Variants in SERPINB9 observed in about 807,000 individuals in gnomAD.
SERPINB9 encodes the protein serpin family B member 9.
Under a neutral mutation model 27.2 loss-of-function variants are expected in SERPINB9, and 20 were observed. That is an observed-to-expected ratio of 0.74 (90% CI 0.52 to 1.07). The LOEUF is 1.07. Ranked by LOEUF, SERPINB9 falls within the 50% of genes least tolerant of loss-of-function variation. The pLI is 0.00. For missense variants in SERPINB9, 476 were observed against 460.1 expected (o/e 1.03, Z -0.32); for synonymous variants, 189 against 180.0 (o/e 1.05, Z -0.40).
chr6:2,890,421 A>T lies in SERPINB9; in HGVS notation c.873T>A (p.Asp291Glu). The change falls in exon 7 of 7, where the codon GAT becomes GAA. Residue 291 changes from aspartate (D) to glutamate (E), a missense_variant. Transcript: ENST00000380698. The surrounding 1 kb of genome is among the most constrained non-coding windows in gnomAD (Gnocchi z 6.2). ...ESVLRHLGIV[D>E]AFQQGKADLS... ...AGTCAGCCTTGCCCTGTTGGAAGGC[A>T]TCAACAATTCCCAAATGCCGAAGCA... is the stretch of plus-strand genomic sequence containing the variant. The T allele has an allele frequency of 6.2e-7, 1 of 1,614,224 alleles. No homozygotes were observed. The highest frequency in any genetic ancestry group is 8.5e-7 in the Non-Finnish European group (1 of 1,180,044).
rs1481121160 is a variant in SERPINB9, at chr6:2,894,388, T to C, written c.425-835A>G. 6.6e-6 allele frequency among the ~76,000 whole-genome samples: 1 copy of C among 152,226 alleles called. No individual in the cohort carries two copies. The highest frequency in any genetic ancestry group is 1.5e-5 in the Non-Finnish European group (1 of 68,040). ...AGGCCTAGACTGGAACACGTCACTT[T>C]CTGAAATGTAGATGAATAAGGTTCA... On this transcript the variant is annotated intron_variant, in intron 4 of 6. Transcript: ENST00000380698. This position sits in a 1 kb window ranked among gnomAD's most constrained non-coding sequence, Gnocchi z 4.7.
At position 2,893,518 on chromosome 6, in the gene SERPINB9, C is replaced by G; in HGVS notation, c.460G>C (p.Asp154His). ...IEELLPGSSI[D>H]AETRLVLVNA... ...ACAAGAACCAGCCTGGTTTCTGCAT[C>G]AATTGAGCTACCCGGCAACAACTCT... The change falls in exon 5 of 7, where the codon GAT becomes CAT. Residue 154 changes from aspartate to histidine, a missense_variant. By Grantham distance (81) the Asp-to-His change is moderately conservative (BLOSUM62 -1). Coordinates refer to ENST00000380698, the MANE Select transcript of SERPINB9 (RefSeq NM_004155.6). 6.2e-7 allele frequency: 1 copy of G among 1,612,652 alleles called. No homozygotes were observed. The highest frequency in any genetic ancestry group is 8.5e-7 in the Non-Finnish European group (1 of 1,179,226).
At chr6:2,900,103 C>T (rs1042001199) in intron 2 of SERPINB9, 23 of 371,988 alleles carry the variant, frequency 6.2e-5, no homozygotes, top group African/African-American at 4.8e-4. Context: ...AAGTCTCTTG[C>T]TCCAAAAAAG....
In SERPINB9 at chr6:2,896,090, T is replaced by C. The variant is rs1228694042; in HGVS notation, c.269A>G (p.Asn90Ser). 1.9e-6 allele frequency: 3 copies of C among 1,614,022 alleles called. No homozygotes were observed. Among genetic ancestry groups the C allele is most frequent in the Admixed American group, 1.7e-5 (1 of 59,940 alleles). ...AGTQYLLRTA[N>S]RLFGEKTCQF... ...ACAAGTTTTCTCTCCAAAGAGCCTG[T>C]TGGCCGTTCTCAGCAGGTACTGTGT... Residue 90 changes from asparagine to serine, a missense_variant, in exon 3 of 7, where the codon AAC (asparagine) becomes AGC (serine). By Grantham distance (46) the Asn-to-Ser change is conservative. Coordinates refer to ENST00000380698, the MANE Select transcript of SERPINB9 (RefSeq NM_004155.6).
rs199851081 is a variant in SERPINB9 at position 2,893,413 on chromosome 6, G to A, written c.565C>T (p.Gln189Ter). 552 of 1,600,390 alleles carry A rather than the reference G, an allele frequency of 3.4e-4. No homozygotes were observed. The highest frequency in any genetic ancestry group is 4.5e-4 in the Non-Finnish European group (531 of 1,172,792). ...GGATTTTAAAAAGCTTCCCCCACCTGGTTTATTTTAAAGGGCATTTCCCTT... is the reference window on the plus strand; with the variant it reads ...GGATTTTAAAAAGCTTCCCCCACCTAGTTTATTTTAAAGGGCATTTCCCTT... ...YTREMPFKIN[Q>*]EEQRPVQMMY... Residue 189 changes from glutamine to a stop codon, truncating the protein, a stop_gained and splice_region_variant, in exon 5 of 7, where the codon CAG becomes TAG. Coordinates refer to ENST00000380698, the MANE Select transcript of SERPINB9 (RefSeq NM_004155.6). LOFTEE classifies it high-confidence loss of function.
rs1217681652 is a variant in SERPINB9, at chr6:2,889,018, A to T, written c.*1145T>A. The T allele has an allele frequency of 6.6e-6, 1 of 152,224 alleles. No individual in the cohort carries two copies. Among genetic ancestry groups the T allele is most frequent in the East Asian group, 1.9e-4 (1 of 5,204 alleles). 9.4% of individuals were successfully genotyped at this position (152,224 alleles called of 1,614,324 possible). ...TGGAGGACTATCTAAGGATACAGAG[A>T]TTAATAAAAATAAAAGAACTACCAC... On this transcript the variant is annotated 3_prime_UTR_variant, in exon 7 of 7. Transcript: ENST00000380698.
At chr6:2,892,485 G>A (rs181274803) in intron 5 of SERPINB9, among the ~76,000 whole-genome samples, 2 of 152,238 alleles carry the variant, frequency 1.3e-5, no homozygotes, top group African/African-American at 4.8e-5. Flanking sequence ...ACCTACATAT[G>A]TAGTAATGTA....
In SERPINB9 at chr6:2,903,249, C is replaced by T. The variant is rs1256227657; in HGVS notation, c.-59G>A. The T allele has an allele frequency of 6.6e-6, 1 of 152,326 alleles. No homozygotes were observed. Among genetic ancestry groups the T allele is most frequent in the Non-Finnish European group, 1.5e-5 (1 of 68,186 alleles). The allele number at this position is 152,326 out of a possible 1,614,324, so 9.4% of individuals were successfully genotyped here. A position where few individuals can be genotyped will look rare whatever the true frequency, so the allele number is the denominator to read the frequency against. On this transcript the variant is annotated 5_prime_UTR_variant, in exon 1 of 7. Transcript: ENST00000380698. The surrounding 1 kb of genome is among the most constrained non-coding windows in gnomAD (Gnocchi z 5.2). ...GCCGTCTCCGTGCCGCGCTCCGAGC[C>T]TGGACGCCGACCCCCGAGGCGCAGG... is the stretch of plus-strand genomic sequence containing the variant.
chr6:2,895,710 GAATTTTACCTTTC>G (rs1413338479), intron 3 of SERPINB9, among the ~76,000 whole-genome samples: 6 of 151,860 alleles, frequency 4.0e-5, no homozygotes, highest in South Asian at 2.1e-4. Context: ...ATGAACTTGA[GAATTTTACCTTTC>G]AATTTTACCT....
intron 5 of SERPINB9, 50 bp downstream of exon 5, chr6:2,893,361 C>G: frequency 1.3e-6 from 2 of 1,558,346 alleles, no homozygotes; most frequent in Non-Finnish European, 1.7e-6. Context: ...TTAAATCTTT[C>G]CATTCAACTT....
chr6:2,902,869 C>A (rs1768249102), intron 1 of SERPINB9, among the ~76,000 whole-genome samples: 1 of 152,208 alleles, frequency 6.6e-6, no homozygotes, highest in Non-Finnish European at 1.5e-5. Flanking sequence ...CGTCATCCTG[C>A]GGATCCCAGA....
intron 1 of SERPINB9, 111 bp from the exon 2 acceptor site, chr6:2,900,732 C>T (rs910878816): frequency 1.5e-5 from 15 of 982,586 alleles, no homozygotes; most frequent in Admixed American, 1.2e-4. Context: ...TCTTAAAGTT[C>T]GTAAGTATTT....
At chr6:2,900,658 A>T in intron 1 of SERPINB9, 37 bp from the exon 2 acceptor site, 1 of 1,582,858 alleles carries the variant, frequency 6.3e-7, no homozygotes, top group Admixed American at 1.7e-5. Context: ...CAGTTTCCAC[A>T]CTCCCTGAAT....
Position 2,895,391 on chromosome 6 carries a change from C to T in SERPINB9, c.424G>A (p.Gly142Ser). Residue 142 changes from glycine (G) to serine (S), a missense_variant and splice_region_variant, in exon 4 of 7, where the codon GGT (glycine) becomes AGT (serine). Transcript: ENST00000380698. ...AGGTGCAATAACTTGTCATTCTGAC[C>T]TTCGGTCTTTTTTGAGACCCAGGTG... ...INTWVSKKTE[G>S]KIEELLPGSS... 1.9e-6 allele frequency: 3 copies of T among 1,603,398 alleles called. No homozygotes were observed. Among genetic ancestry groups the T allele is most frequent in the Non-Finnish European group, 8.5e-7 (1 of 1,173,740 alleles).
Position 2,898,102 on chromosome 6 carries a change from C to G in SERPINB9, c.169-1912G>C, listed in dbSNP as rs1315296645. 6.0e-5 allele frequency among the ~76,000 whole-genome samples: 9 copies of G among 150,342 alleles called. No homozygotes were observed. The East Asian group carries it at 1.8e-3, about 29-fold the overall frequency. On this transcript the variant is annotated intron_variant, in intron 2 of 6. Transcript: ENST00000380698. ...AAAAAACAAAACAAAACAAACAAAA[C>G]AAACAAAAAACAGAATCTATCAGTC... is the stretch of plus-strand genomic sequence containing the variant.
chr6:2,898,569 G>C (rs1329301409), intron 2 of SERPINB9, among the ~76,000 whole-genome samples: 2 of 152,252 alleles, frequency 1.3e-5, no homozygotes, highest in Non-Finnish European at 2.9e-5. Context: ...TGTAATCCCA[G>C]CACTTTGGGA....
rs546222631 is a variant in SERPINB9, at chr6:2,892,189, G to A, written c.568-201C>T. Among the ~76,000 whole-genome samples the A allele has an allele frequency of 3.4e-5, 5 of 148,504 alleles. No individual in the cohort carries two copies. In the East Asian group the frequency reaches 9.9e-4, roughly 29 times the overall value. On this transcript the variant is annotated intron_variant, in intron 5 of 6. Transcript: ENST00000380698. The stretch of plus-strand genomic sequence containing the variant: ...GCAAGCAGACACAGTACCACCCTGG[G>A]AAAGGTTTTCTTCTGCAAAATAAAA...
At position 2,891,910 on chromosome 6, in the gene SERPINB9, G is replaced by C; in HGVS notation, c.646C>G (p.Leu216Val). ...LAHVGEVRAQ[L>V]LELPYARKEL... ...TTCCTGGCGTAGGGCAGCTCCAGCA[G>C]CTGCGCGCGCACCTCGCCCACGTGG... Residue 216 changes from leucine (L) to valine (V), a missense_variant, in exon 6 of 7, where the codon CTG becomes GTG. Transcript: ENST00000380698. The surrounding 1 kb of genome is among the most constrained non-coding windows in gnomAD (Gnocchi z 4.0). 6.2e-7 allele frequency: 1 copy of C among 1,613,208 alleles called. No individual in the cohort carries two copies. Among genetic ancestry groups the C allele is most frequent in the Non-Finnish European group, 8.5e-7 (1 of 1,179,896 alleles).
rs775253476 is a variant in SERPINB9, at chr6:2,890,401, G to A, written c.893C>T (p.Ala298Val). The A allele has an allele frequency of 1.2e-6, 2 of 1,614,202 alleles. No homozygotes were observed. Among genetic ancestry groups the A allele is most frequent in the Non-Finnish European group, 8.5e-7 (1 of 1,180,046 alleles). Residue 298 changes from alanine (A) to valine (V), a missense_variant, in exon 7 of 7, where the codon GCT becomes GTT. Transcript: ENST00000380698. This position sits in a 1 kb window ranked among gnomAD's most constrained non-coding sequence, Gnocchi z 6.2. ...CTCCGCTGACATTGCCGACAAGTCA[G>A]CCTTGCCCTGTTGGAAGGCATCAAC... ...GIVDAFQQGK[A>V]DLSAMSAERD...
Sources: gnomAD v4.1 joint callset for allele counts (sites outside exome capture counted in the v4.1 genomes callset) on GRCh38, gnomAD v4.1.1 for gene constraint, Gnocchi (gnomAD v3.1) non-coding constraint, MANE v1.5 for transcripts, NCBI Gene and HGNC (gene_info 2026-07-23, HGNC 2026-07-21) for gene names.